Variants in AS3MT observed in about 807,000 individuals in gnomAD.
AS3MT encodes S-adenosyl-L-methionine:arsenic(III) methyltransferase.
AS3MT carries 47 observed loss-of-function variants against 45.3 expected under a neutral mutation model. The observed-to-expected ratio is 1.04, with a 90% CI of 0.82 to 1.32. The LOEUF is 1.32. Among genes scored for constraint, AS3MT ranks in the 40% most tolerant of loss-of-function variants. The pLI is 0.00. For missense variants in AS3MT, 396 were observed against 451.1 expected (o/e 0.88, Z 1.11); for synonymous variants, 141 against 152.8 (o/e 0.92, Z 0.57).
intron 9 of AS3MT, among the ~76,000 whole-genome samples, chr10:102,884,295 T>C (rs1844913227): frequency 6.6e-6 from 1 of 151,954 alleles, no homozygotes; most frequent in African/African-American, 2.4e-5. Flanking sequence ...TTCCAATACA[T>C]TGTTATTAAC....
intron 9 of AS3MT, among the ~76,000 whole-genome samples, chr10:102,879,684 G>T (rs976962421): frequency 2.0e-5 from 3 of 149,704 alleles, no homozygotes; most frequent in Admixed American, 1.3e-4. Flanking sequence ...CAGGAGAATT[G>T]CATGAACCCG....
At chr10:102,882,999 G>C (rs1044897057) in intron 9 of AS3MT, among the ~76,000 whole-genome samples, 1 of 152,104 alleles carries the variant, frequency 6.6e-6, no homozygotes, top group Non-Finnish European at 1.5e-5. Context: ...CACAGAATCA[G>C]AGTGGTAAGG....
At chr10:102,890,293 C>T (rs1234606657) in intron 9 of AS3MT, among the ~76,000 whole-genome samples, 7 of 152,002 alleles carry the variant, frequency 4.6e-5, no homozygotes, top group East Asian at 3.9e-4. Context: ...TGAGCCACCG[C>T]GCCTGGCCCA....
At chr10:102,899,181 G>A (rs1484069868) in intron 10 of AS3MT, among the ~76,000 whole-genome samples, 3 of 152,102 alleles carry the variant, frequency 2.0e-5, no homozygotes, top group East Asian at 1.9e-4. Flanking sequence ...CAGTAGAGAC[G>A]GGGTTTCATC....
At chr10:102,891,020 A>G (rs1845061806) in intron 10 of AS3MT, among the ~76,000 whole-genome samples, 1 of 152,048 alleles carries the variant, frequency 6.6e-6, no homozygotes, top group African/African-American at 2.4e-5. Flanking sequence ...GCCAGTATGC[A>G]TGGTCTCTTG....
Position 102,872,391 on chromosome 10 carries a change from T to G in AS3MT, c.171-57T>G, listed in dbSNP as rs1015574876. The G allele has an allele frequency of 2.5e-5, 40 of 1,571,758 alleles. No individual in the cohort carries two copies. In the South Asian group the frequency reaches 4.4e-4, roughly 17 times the overall value. ...GGAGGAGGGAAGTATGTATAAGATTTAGTGGTTTCATGTCTTACAGTCTCC... is the reference window on the plus strand; with the variant it reads ...GGAGGAGGGAAGTATGTATAAGATTGAGTGGTTTCATGTCTTACAGTCTCC... On this transcript the variant is annotated intron_variant, in intron 3 of 10. Transcript: ENST00000369880.
intron 8 of AS3MT, 76 bp from the exon 9 acceptor site, chr10:102,878,773 T>G: frequency 6.5e-7 from 1 of 1,533,432 alleles, no homozygotes; most frequent in East Asian, 2.3e-5. Context: ...TTATAACGTG[T>G]TTGCTCCTTG....
intron 3 of AS3MT, 97 bp from the exon 4 acceptor site, chr10:102,872,351 A>G: frequency 7.8e-7 from 1 of 1,288,866 alleles, no homozygotes; most frequent in South Asian, 1.2e-5. Context: ...GGAAGGAAGG[A>G]ACGGAGGGAG....
chr10:102,890,776 T>C, intron 10 of AS3MT, 98 bp downstream of exon 10: 1 of 1,213,548 alleles, frequency 8.2e-7, no homozygotes, highest in Non-Finnish European at 1.1e-6. Context: ...AGTGGTGTGA[T>C]CTTGGCTCAC....
chr10:102,894,322 C>T (rs1275282768), intron 10 of AS3MT, among the ~76,000 whole-genome samples: 1 of 151,782 alleles, frequency 6.6e-6, no homozygotes, highest in Non-Finnish European at 1.5e-5. Flanking sequence ...ACTTGGGAGG[C>T]TGAGGCAGGA....
chr10:102,872,129 C>G (rs1844701192), intron 3 of AS3MT, among the ~76,000 whole-genome samples: 1 of 152,292 alleles, frequency 6.6e-6, no homozygotes, highest in East Asian at 1.9e-4. Flanking sequence ...AAGCGATCCG[C>G]CTGCCTTGAC....
At chr10:102,870,355 C>A in intron 3 of AS3MT, 144 bp downstream of exon 3, 1 of 1,118,604 alleles carries the variant, frequency 8.9e-7, no homozygotes, top group Non-Finnish European at 1.3e-6. Context: ...ATCTCAGCAC[C>A]CATCATCTTA....
intron 10 of AS3MT, among the ~76,000 whole-genome samples, chr10:102,900,316 C>T (rs1276613743): frequency 6.6e-6 from 1 of 152,182 alleles, no homozygotes; most frequent in Non-Finnish European, 1.5e-5. Flanking sequence ...GACAACCCCA[C>T]AAAACAAAAT....
rs1844796028 is a variant in AS3MT at position 102,877,164 on chromosome 10, C to T, written c.610+129C>T. 7.6e-6 allele frequency: 6 copies of T among 791,974 alleles called. No individual in the cohort carries two copies. In the East Asian group the frequency reaches 1.5e-4, roughly 20 times the overall value. The allele number at this position is 791,974 out of a possible 1,614,324, so 49.1% of individuals were successfully genotyped here. A position where few individuals can be genotyped will look rare whatever the true frequency, so the allele number is the denominator to read the frequency against. The stretch of plus-strand genomic sequence containing the variant: ...TAGGCCATGAGGCCAAGGTTCCATT[C>T]TTCCTCTGCCATTCAAAAGTGATAG... On this transcript the variant is annotated intron_variant, in intron 7 of 10. Coordinates refer to ENST00000369880, the MANE Select transcript of AS3MT (RefSeq NM_020682.4).
At chr10:102,890,514 C>G in intron 9 of AS3MT, 30 bp from the exon 10 acceptor site, 2 of 1,547,496 alleles carry the variant, frequency 1.3e-6, no homozygotes, top group Middle Eastern at 3.5e-4. Context: ...AGTTGCAACT[C>G]TTAGTATTTT....
At chr10:102,892,934 T>A (rs772502117) in intron 10 of AS3MT, among the ~76,000 whole-genome samples, 11 of 151,312 alleles carry the variant, frequency 7.3e-5, no homozygotes, top group Non-Finnish European at 1.3e-4. Flanking sequence ...GAGACGAGAT[T>A]GAGATGGCGC....
chr10:102,869,790 T>A lies in AS3MT; in HGVS notation c.2-15T>A. 6.2e-7 allele frequency: 1 copy of A among 1,614,032 alleles called. No individual in the cohort carries two copies. Among genetic ancestry groups the A allele is most frequent in the Non-Finnish European group, 8.5e-7 (1 of 1,180,022 alleles). On this transcript the variant is annotated splice_polypyrimidine_tract_variant and intron_variant, in intron 1 of 10. Coordinates refer to ENST00000369880, the MANE Select transcript of AS3MT (RefSeq NM_020682.4). The stretch of plus-strand genomic sequence containing the variant: ...AGCACCCTCTCCTTTCAACTAACTT[T>A]CCCGCTCCCGACAGTGGCTGCACTT...
chr10:102,892,395 G>C (rs1338033579), intron 10 of AS3MT, among the ~76,000 whole-genome samples: 2 of 152,054 alleles, frequency 1.3e-5, no homozygotes, highest in Non-Finnish European at 2.9e-5. Flanking sequence ...ACAAAAGGTA[G>C]GTGTGTGAGA....
At chr10:102,889,670 T>TC (rs1845032468) in intron 9 of AS3MT, among the ~76,000 whole-genome samples, 1 of 132,050 alleles carries the variant, frequency 7.6e-6, no homozygotes, top group Admixed American at 7.4e-5. Flanking sequence ...CTTCCCTTCC[T>TC]CCCTCCACCC....
Sources: allele counts gnomAD v4.1 joint callset (sites outside exome capture counted in the v4.1 genomes callset), GRCh38; gene constraint gnomAD v4.1.1; transcripts MANE v1.5; gene names NCBI Gene and HGNC (gene_info 2026-07-23, HGNC 2026-07-21).